TENM4: variants seen among roughly 807,000 people sequenced by gnomAD.
TENM4 encodes teneurin-4.
Under a neutral mutation model 243.3 loss-of-function variants are expected in TENM4, and 82 were observed. That is an observed-to-expected ratio of 0.34 (90% CI 0.28 to 0.40). The LOEUF (loss-of-function observed/expected upper bound fraction) is 0.40. TENM4 is among the 10% of genes least tolerant of loss of function. The probability of loss-of-function intolerance (pLI) is 1.00; values close to 1 mark genes in which losing one functional copy is unlikely to be tolerated. For missense variants in TENM4, 3,138 were observed against 3,673.3 expected (o/e 0.85, Z 3.77); for synonymous variants, 1,412 against 1,456.3 (o/e 0.97, Z 0.69).
intron 2 of TENM4, among the ~76,000 whole-genome samples, chr11:79,294,849 CA>C (rs1306359503): frequency 1.6e-4 from 23 of 145,258 alleles, no homozygotes; most frequent in African/African-American, 3.0e-4. Context: ...AACTCTGTCT[CA>C]AAAAAAAAAG....
intron 1 of TENM4, among the ~76,000 whole-genome samples, chr11:79,339,307 C>A (rs1857204153): frequency 6.6e-6 from 1 of 152,222 alleles, no homozygotes; most frequent in African/African-American, 2.4e-5. Flanking sequence ...GGCTAGGATG[C>A]CTGCTCTATC....
At chr11:78,836,105 C>A (rs938999069) in intron 12 of TENM4, among the ~76,000 whole-genome samples, 3 of 152,188 alleles carry the variant, frequency 2.0e-5, no homozygotes, top group Non-Finnish European at 4.4e-5. Flanking sequence ...TGCCTGTAAT[C>A]CCAGTACTTT....
intron 1 of TENM4, among the ~76,000 whole-genome samples, chr11:79,351,562 C>G (rs1050831997): frequency 6.6e-6 from 1 of 152,064 alleles, no homozygotes; most frequent in African/African-American, 2.4e-5. Flanking sequence ...AAAAATTAGC[C>G]AGGCGTGATT....
intron 2 of TENM4, among the ~76,000 whole-genome samples, chr11:79,223,252 G>A (rs1367068346): frequency 2.0e-5 from 3 of 152,168 alleles, no homozygotes; most frequent in Non-Finnish European, 4.4e-5. Flanking sequence ...CACTGGCAGG[G>A]GAGAAAACTG....
Position 78,757,005 on chromosome 11 carries a change from G to A in TENM4, c.2556C>T (p.Cys852=), listed in dbSNP as rs781336627. Residue 852 remains cysteine, a synonymous_variant, in exon 19 of 34, where the codon TGC becomes TGT. Transcript: ENST00000278550. ...KDNDGDGLVD[C]MDPDCCLQPL... The stretch of plus-strand genomic sequence containing the variant: ...GCTGGAGGCAGCAGTCAGGGTCCAT[G>A]CAGTCCACCAGGCCATCTGCAGGAG... The A allele has an allele frequency of 1.3e-5, 21 of 1,613,876 alleles. No homozygotes were observed. The South Asian group carries it at 2.3e-4, about 18-fold the overall frequency.
At chr11:78,990,898 C>T (rs1040639575) in intron 6 of TENM4, among the ~76,000 whole-genome samples, 1 of 152,156 alleles carries the variant, frequency 6.6e-6, no homozygotes, top group Admixed American at 6.5e-5. Context: ...CATGTGTTAA[C>T]TTGCATAATT....
At chr11:79,051,612 T>C (rs941588678) in intron 6 of TENM4, among the ~76,000 whole-genome samples, 2 of 152,238 alleles carry the variant, frequency 1.3e-5, no homozygotes, top group African/African-American at 4.8e-5. Context: ...TTACTTATGC[T>C]TTCGAGGCTT....
chr11:79,102,524 C>T (rs940240317), intron 4 of TENM4, among the ~76,000 whole-genome samples: 6 of 152,226 alleles, frequency 3.9e-5, no homozygotes, highest in Non-Finnish European at 7.3e-5. Context: ...AGCCTTGTCC[C>T]TGCTCCCAAA....
At chr11:79,268,678 G>A (rs1463385192) in intron 2 of TENM4, among the ~76,000 whole-genome samples, 1 of 152,200 alleles carries the variant, frequency 6.6e-6, no homozygotes, top group East Asian at 1.9e-4. Flanking sequence ...GTTCCCAGCT[G>A]AGGTTAAACA....
chr11:79,031,495 A>G (rs774430159), intron 6 of TENM4, among the ~76,000 whole-genome samples: 14 of 152,194 alleles, frequency 9.2e-5, no homozygotes, highest in Non-Finnish European at 1.9e-4. Flanking sequence ...TCAGGATCAG[A>G]GAAGGAGAAG....
chr11:78,849,082 C>T (rs946697103), intron 12 of TENM4, among the ~76,000 whole-genome samples: 2 of 152,186 alleles, frequency 1.3e-5, no homozygotes, highest in Non-Finnish European at 1.5e-5. Context: ...TGTTATGCTC[C>T]AGCCTGGCTC....
Position 78,657,265 on chromosome 11 carries a change from G to T in TENM4, c.*793C>A. 2.5e-6 allele frequency: 1 copy of T among 398,524 alleles called. No individual in the cohort carries two copies. The highest frequency in any genetic ancestry group is 1.3e-4 in the South Asian group (1 of 7,664). The allele number at this position is 398,524 out of a possible 1,614,324, so 24.7% of individuals were successfully genotyped here. A position where few individuals can be genotyped will look rare whatever the true frequency, so the allele number is the denominator to read the frequency against. On this transcript the variant is annotated 3_prime_UTR_variant, in exon 34 of 34. Transcript: ENST00000278550. ...TTCCCTCCCGGGAGGATGGGACTCT[G>T]AGCCCAGGATGTTATGTCACTGGTC...
At chr11:79,366,166 T>G (rs1857673035) in intron 1 of TENM4, among the ~76,000 whole-genome samples, 1 of 152,236 alleles carries the variant, frequency 6.6e-6, no homozygotes, top group Non-Finnish European at 1.5e-5. Flanking sequence ...CACAACTGTT[T>G]TATCCCCAGC....
intron 1 of TENM4, among the ~76,000 whole-genome samples, chr11:79,344,515 A>T (rs998985852): frequency 6.6e-6 from 1 of 152,222 alleles, no homozygotes; most frequent in African/African-American, 2.4e-5. Flanking sequence ...GAAAGAGAGT[A>T]CATGACACCC....
intron 6 of TENM4, among the ~76,000 whole-genome samples, chr11:78,979,146 G>A (rs1857734143): frequency 1.3e-5 from 2 of 152,182 alleles, no homozygotes; most frequent in South Asian, 2.1e-4. Context: ...AGGTCCCTGA[G>A]CTAGTTGGAG....
intron 15 of TENM4, among the ~76,000 whole-genome samples, chr11:78,800,823 G>A (rs1254822861): frequency 6.6e-6 from 1 of 152,028 alleles, no homozygotes; most frequent in African/African-American, 2.4e-5. Context: ...CTTGGAGCCA[G>A]ATGTGGTTTG....
chr11:79,116,075 T>G (rs1861612768), intron 4 of TENM4, among the ~76,000 whole-genome samples: 1 of 152,300 alleles, frequency 6.6e-6, no homozygotes, highest in Middle Eastern at 3.4e-3. Context: ...CCTGTGAGAC[T>G]GAAGCACAAA....
chr11:78,967,310 A>G (rs773184272), intron 6 of TENM4, among the ~76,000 whole-genome samples: 3 of 152,224 alleles, frequency 2.0e-5, no homozygotes, highest in Non-Finnish European at 4.4e-5. Context: ...AATATTTGTT[A>G]GGTGAATAAA....
chr11:79,416,865 A>T (rs577785288), intron 1 of TENM4, among the ~76,000 whole-genome samples: 3 of 145,702 alleles, frequency 2.1e-5, no homozygotes, highest in Non-Finnish European at 4.5e-5. Flanking sequence ...TTGGTACATA[A>T]CCAGACAATG....
Sources: gnomAD v4.1 joint callset for allele counts (sites outside exome capture counted in the v4.1 genomes callset) on GRCh38, gnomAD v4.1.1 for gene constraint, MANE v1.5 for transcripts, NCBI Gene and HGNC (gene_info 2026-07-23, HGNC 2026-07-21) for gene names.